Variants in CHODL observed in about 807,000 individuals in gnomAD.
CHODL encodes transmembrane protein MT75.
In CHODL, 29 loss-of-function variants were observed where a neutral mutation model predicts 34.5. The ratio of observed to expected loss-of-function variants is 0.84; its 90% CI spans 0.63 to 1.15. The LOEUF (loss-of-function observed/expected upper bound fraction) is 1.15. Ranked by LOEUF, CHODL falls within the 50% of genes most tolerant of loss-of-function variation. CHODL has a pLI of 0.00. For missense variants in CHODL, 332 were observed against 332.5 expected (o/e 1.00, Z 0.01); for synonymous variants, 125 against 116.1 (o/e 1.08, Z -0.49).
chr21:18,196,237 TA>T (rs1190723468), intron 2 of CHODL, among the ~76,000 whole-genome samples: 1 of 152,242 alleles, frequency 6.6e-6, no homozygotes, highest in East Asian at 1.9e-4. Context: ...TGAGATATTC[TA>T]ATAAGCTCTT....
At position 18,080,152 on chromosome 21, in the gene CHODL, A is replaced by G. The variant is rs530691555; in HGVS notation, c.-45+52181A>G. 2.0e-5 allele frequency among the ~76,000 whole-genome samples: 3 copies of G among 152,036 alleles called. No individual in the cohort carries two copies. The South Asian group carries it at 6.2e-4, about 32-fold the overall frequency. ...GTCTTCTTTTGAAAATTATTAGTTC[A>G]TGTTCTTTGCTCCCTTTTTAATTGG... On this transcript the variant is annotated intron_variant, in intron 2 of 6. Coordinates refer to the CHODL transcript ENST00000400127.
At chr21:18,005,838 G>T (rs2063955365) in intron 1 of CHODL, among the ~76,000 whole-genome samples, 2 of 152,174 alleles carry the variant, frequency 1.3e-5, no homozygotes. Flanking sequence ...TGGGATGGAG[G>T]AAGGGAGAGC....
At chr21:18,202,531 A>G (rs2073666425) in intron 2 of CHODL, among the ~76,000 whole-genome samples, 1 of 152,196 alleles carries the variant, frequency 6.6e-6, no homozygotes, top group African/African-American at 2.4e-5. Context: ...GTGGCTGTCT[A>G]CAAGCAAGGA....
At chr21:17,924,663 C>T (rs907081070) in intron 1 of CHODL, among the ~76,000 whole-genome samples, 1 of 152,190 alleles carries the variant, frequency 6.6e-6, no homozygotes, top group East Asian at 1.9e-4. Flanking sequence ...CTGACCTGGA[C>T]TTTTTATTAT....
At chr21:17,992,486 C>T (rs1306451848) in intron 1 of CHODL, among the ~76,000 whole-genome samples, 3 of 152,066 alleles carry the variant, frequency 2.0e-5, no homozygotes, top group Non-Finnish European at 4.4e-5. Flanking sequence ...TTTCTTTCAT[C>T]AGTGTTTTGC....
At chr21:18,136,813 T>C (rs1246225216) in intron 2 of CHODL, among the ~76,000 whole-genome samples, 1 of 148,798 alleles carries the variant, frequency 6.7e-6, no homozygotes, top group Admixed American at 6.7e-5. Context: ...TATATCCATA[T>C]ATATATAAAT....
chr21:17,986,407 A>G (rs1488402539), intron 1 of CHODL, among the ~76,000 whole-genome samples: 1 of 150,822 alleles, frequency 6.6e-6, no homozygotes, highest in African/African-American at 2.4e-5. Flanking sequence ...GAGTGAGAAC[A>G]TGAGGTGTTT....
chr21:18,003,590 A>C (rs538538428), intron 1 of CHODL, among the ~76,000 whole-genome samples: 1 of 152,336 alleles, frequency 6.6e-6, no homozygotes, highest in South Asian at 2.1e-4. Context: ...CAAAATGCAG[A>C]TGCACAATTT....
chr21:18,026,066 G>A (rs1371933239), intron 1 of CHODL, among the ~76,000 whole-genome samples: 4 of 152,160 alleles, frequency 2.6e-5, no homozygotes, highest in Non-Finnish European at 5.9e-5. Flanking sequence ...TAGGTTTGGT[G>A]AGGTAAAGGA....
chr21:18,256,397 C>A (rs1337678912), intron 1 of CHODL, 112 bp from the exon 2 acceptor site: 8 of 1,017,112 alleles, frequency 7.9e-6, no homozygotes, highest in Non-Finnish European at 1.1e-5. Flanking sequence ...GTGGGAGAAG[C>A]ATTTCTGGTA....
At chr21:18,112,545 T>A (rs771034227) in intron 2 of CHODL, among the ~76,000 whole-genome samples, 3 of 152,156 alleles carry the variant, frequency 2.0e-5, no homozygotes, top group Non-Finnish European at 2.9e-5. Flanking sequence ...CAAAACAGCA[T>A]GCTGCTGGCA....
intron 1 of CHODL, among the ~76,000 whole-genome samples, chr21:18,251,200 G>A (rs1315323159): frequency 6.6e-6 from 1 of 150,400 alleles, no homozygotes; most frequent in African/African-American, 2.4e-5. Context: ...AAATTTTAAT[G>A]GCTAAGGAAA....
intron 2 of CHODL, among the ~76,000 whole-genome samples, chr21:18,179,733 C>G (rs1403515028): frequency 3.9e-5 from 6 of 152,132 alleles, no homozygotes; most frequent in African/African-American, 1.4e-4. Flanking sequence ...TTTACACAAG[C>G]AACATCAGGA....
chr21:18,187,662 C>G (rs2073460017), intron 2 of CHODL, among the ~76,000 whole-genome samples: 1 of 152,104 alleles, frequency 6.6e-6, no homozygotes, highest in Admixed American at 6.6e-5. Flanking sequence ...AAATGGCCAT[C>G]TATACTCCAC....
At chr21:18,219,651 T>A (rs1315176072) in intron 2 of CHODL, among the ~76,000 whole-genome samples, 1 of 152,154 alleles carries the variant, frequency 6.6e-6, no homozygotes, top group East Asian at 1.9e-4. Flanking sequence ...CTTATTGTGG[T>A]GTTGATTTGT....
At chr21:18,013,295 ATT>A (rs11354463) in intron 1 of CHODL, among the ~76,000 whole-genome samples, 1 of 150,466 alleles carries the variant, frequency 6.6e-6, no homozygotes, top group African/African-American at 2.4e-5. Flanking sequence ...AAATAAGACA[ATT>A]TTTTTTTTCT....
At chr21:18,084,317 T>C (rs1014664801) in intron 2 of CHODL, among the ~76,000 whole-genome samples, 28 of 152,184 alleles carry the variant, frequency 1.8e-4, no homozygotes, top group African/African-American at 6.5e-4. Flanking sequence ...AACTATAGGT[T>C]TAGTTCTTGT....
chr21:17,984,889 T>C (rs2063741238), intron 1 of CHODL, among the ~76,000 whole-genome samples: 1 of 152,168 alleles, frequency 6.6e-6, no homozygotes, highest in Admixed American at 6.5e-5. Flanking sequence ...TTGTCACTTA[T>C]TGGATTTTTA....
rs746614637 is a variant in CHODL, at chr21:17,978,917, A to G, written c.-144-48955A>G. 1.5e-4 allele frequency among the ~76,000 whole-genome samples: 23 copies of G among 152,058 alleles called. 1 individual carries two copies. Among genetic ancestry groups the G allele is most frequent in the African/African-American group, 5.6e-4 (23 of 41,414 alleles). On this transcript the variant is annotated intron_variant, in intron 1 of 6. Coordinates refer to the CHODL transcript ENST00000400127. ...CAGCGAAGGCCTGCCCTTAGTTGCAATAGGCCCCTCTCTGTCCATGCACAT... is the reference window on the plus strand; with the variant it reads ...CAGCGAAGGCCTGCCCTTAGTTGCAGTAGGCCCCTCTCTGTCCATGCACAT...
Sources: allele counts gnomAD v4.1 joint callset (sites outside exome capture counted in the v4.1 genomes callset), GRCh38; gene constraint gnomAD v4.1.1; transcripts MANE v1.5; gene names NCBI Gene and HGNC (gene_info 2026-07-23, HGNC 2026-07-21).